The following SLC35F4 variants were observed in gnomAD, a reference collection of about 807,000 sequenced individuals.
SLC35F4 encodes chromosome 14 open reading frame 36.
A neutral mutation model predicts 44.2 loss-of-function variants in SLC35F4; 24 were observed. The ratio of observed to expected loss-of-function variants is 0.54; its 90% CI spans 0.39 to 0.76. SLC35F4 has a LOEUF of 0.76. SLC35F4 is among the 30% of genes least tolerant of loss of function. The probability of loss-of-function intolerance (pLI) is 0.00; values close to 1 mark genes in which losing one functional copy is unlikely to be tolerated. For missense variants in SLC35F4, 562 were observed against 586.1 expected (o/e 0.96, Z 0.42); for synonymous variants, 238 against 223.6 (o/e 1.06, Z -0.57).
intron 1 of SLC35F4, among the ~76,000 whole-genome samples, chr14:57,634,950 G>T (rs1471588167): frequency 6.6e-6 from 1 of 152,018 alleles, no homozygotes; most frequent in East Asian, 1.9e-4. Context: ...TAGAAGATGA[G>T]TGATCAAAAG....
intron 1 of SLC35F4, among the ~76,000 whole-genome samples, chr14:57,802,772 T>C (rs950665228): frequency 5.3e-5 from 8 of 152,022 alleles, no homozygotes; most frequent in Non-Finnish European, 1.2e-4. Context: ...CAGGAAGAAA[T>C]TGAATTCCAG....
intron 2 of SLC35F4, among the ~76,000 whole-genome samples, chr14:57,589,888 C>G (rs1269574764): frequency 2.6e-5 from 4 of 152,134 alleles, no homozygotes; most frequent in Non-Finnish European, 5.9e-5. Flanking sequence ...TAACACCTCC[C>G]ATAAGAAGCC....
intron 1 of SLC35F4, among the ~76,000 whole-genome samples, chr14:57,851,347 T>C (rs1445436170): frequency 1.1e-4 from 16 of 152,200 alleles, no homozygotes. Flanking sequence ...AAACTTCCAA[T>C]GTAATAAACT....
At chr14:57,692,456 T>C (rs80354343) in intron 1 of SLC35F4, among the ~76,000 whole-genome samples, 1,836 of 152,250 alleles carry the variant, frequency 0.012, 36 homozygotes, top group African/African-American at 0.042. Flanking sequence ...TTATCACTTA[T>C]TGTTTGGAAA....
intron 1 of SLC35F4, among the ~76,000 whole-genome samples, chr14:57,750,978 CG>C (rs1426541864): frequency 5.3e-5 from 8 of 152,150 alleles, no homozygotes; most frequent in Admixed American, 5.2e-4. Flanking sequence ...TTGTCTCACC[CG>C]CCCAGTCTCC....
chr14:57,816,039 A>G (rs907799903), intron 1 of SLC35F4, among the ~76,000 whole-genome samples: 2 of 152,146 alleles, frequency 1.3e-5, no homozygotes, highest in African/African-American at 4.8e-5. Flanking sequence ...GTCTGGCCTA[A>G]AGCAGGGCAT....
downstream of SLC35F4, among the ~76,000 whole-genome samples, chr14:57,972,795 C>T (rs999688108): frequency 3.9e-5 from 6 of 152,208 alleles, no homozygotes; most frequent in African/African-American, 1.2e-4. Context: ...ATCCTCCCCT[C>T]CATTCTCGTA....
chr14:57,849,311 G>A (rs548585118), intron 1 of SLC35F4, among the ~76,000 whole-genome samples: 2 of 152,110 alleles, frequency 1.3e-5, no homozygotes, highest in African/African-American at 2.4e-5. Context: ...ATAGGCATGC[G>A]CCACCATGCC....
chr14:57,728,971 A>G (rs577781400), intron 1 of SLC35F4, among the ~76,000 whole-genome samples: 2 of 152,292 alleles, frequency 1.3e-5, no homozygotes, highest in African/African-American at 2.4e-5. Context: ...CACTTTAAAT[A>G]TGTAATGCCA....
At chr14:57,930,777 G>A (rs994734814) in intron 1 of SLC35F4, among the ~76,000 whole-genome samples, 10 of 152,142 alleles carry the variant, frequency 6.6e-5, no homozygotes, top group African/African-American at 2.4e-4. Context: ...GATTTCAGAG[G>A]CAGGACAATG....
chr14:57,687,426 T>C (rs886317474), intron 1 of SLC35F4, among the ~76,000 whole-genome samples: 3 of 152,218 alleles, frequency 2.0e-5, no homozygotes, highest in African/African-American at 7.2e-5. Flanking sequence ...CTCCAATAAA[T>C]AGCTGCTATT....
intron 1 of SLC35F4, among the ~76,000 whole-genome samples, chr14:57,756,068 C>T (rs546960332): frequency 1.6e-3 from 239 of 152,338 alleles, no homozygotes; most frequent in African/African-American, 5.5e-3. Flanking sequence ...CCCTGTTTTC[C>T]ATTTCATTAA....
chr14:57,957,413 C>T (rs1331468754), intron 1 of SLC35F4, among the ~76,000 whole-genome samples: 4 of 142,964 alleles, frequency 2.8e-5, no homozygotes, highest in East Asian at 2.2e-4. Flanking sequence ...GTTCTGCACA[C>T]GTACCCCAGA....
intron 1 of SLC35F4, among the ~76,000 whole-genome samples, chr14:57,608,964 T>C (rs1387285990): frequency 6.6e-6 from 1 of 152,110 alleles, no homozygotes; most frequent in Non-Finnish European, 1.5e-5. Flanking sequence ...CTGGCCTTTA[T>C]TGAGAAACAA....
Position 57,740,281 on chromosome 14 carries a change from G to A in SLC35F4, c.103+125442C>T, listed in dbSNP as rs1218687605. Among the ~76,000 whole-genome samples the A allele has an allele frequency of 4.6e-5, 7 of 152,238 alleles. 1 individual carries two copies. In the East Asian group the frequency reaches 1.3e-3, roughly 29 times the overall value. The stretch of plus-strand genomic sequence containing the variant: ...TTAAAACTCAAATCTATGATAATTT[G>A]TCATATACTTCATTTTCCAAGTACT... On this transcript the variant is annotated intron_variant, in intron 1 of 7. Transcript: ENST00000556826.
chr14:57,766,970 C>A (rs945927833), intron 1 of SLC35F4, among the ~76,000 whole-genome samples: 2 of 152,102 alleles, frequency 1.3e-5, no homozygotes, highest in African/African-American at 2.4e-5. Context: ...ACACTAATAT[C>A]TAATAAAGTG....
chr14:57,941,643 C>T (rs1439446841), intron 1 of SLC35F4, among the ~76,000 whole-genome samples: 2 of 151,936 alleles, frequency 1.3e-5, no homozygotes, highest in Non-Finnish European at 2.9e-5. Context: ...CATGTATGTA[C>T]TAAATGCCAC....
At chr14:57,649,935 G>A (rs151187168) in intron 1 of SLC35F4, among the ~76,000 whole-genome samples, 22 of 152,076 alleles carry the variant, frequency 1.4e-4, no homozygotes, top group East Asian at 7.7e-4. Context: ...ATGTCTCAAC[G>A]CCTTCCTTCA....
intron 1 of SLC35F4, among the ~76,000 whole-genome samples, chr14:57,781,943 G>GA (rs1415025883): frequency 2.0e-5 from 3 of 152,046 alleles, no homozygotes; most frequent in Admixed American, 6.6e-5. Context: ...GAGAAGAGCA[G>GA]AAAAAATAAC....
Sources: allele counts gnomAD v4.1 joint callset (sites outside exome capture counted in the v4.1 genomes callset), GRCh38; gene constraint gnomAD v4.1.1; transcripts MANE v1.5; gene names NCBI Gene and HGNC (gene_info 2026-07-23, HGNC 2026-07-21).